Variants in MAPK14 observed in about 807,000 individuals in gnomAD.
The protein encoded by MAPK14 is mitogen-activated protein kinase 14.
In MAPK14, 16 loss-of-function variants were observed where a neutral mutation model predicts 49.6. The observed-to-expected ratio is 0.32, with a 90% CI of 0.22 to 0.49. The LOEUF (loss-of-function observed/expected upper bound fraction) is 0.49. MAPK14 is among the 20% of genes least tolerant of loss of function. The pLI is 0.99. For synonymous variants in MAPK14, 142 were observed against 158.0 expected, an observed-to-expected ratio of 0.90 and a Z score of 0.76; for missense variants, 200 against 441.2, an observed-to-expected ratio of 0.45 and a Z score of 4.90.
At chr6:36,065,812 A>G (rs1764032776) in intron 3 of MAPK14, among the ~76,000 whole-genome samples, 1 of 152,154 alleles carries the variant, frequency 6.6e-6, no homozygotes. Flanking sequence ...TACCAGAGGC[A>G]GTTTTCTCCT....
At chr6:36,084,117 C>G (rs1764879418) in intron 8 of MAPK14, among the ~76,000 whole-genome samples, 1 of 152,142 alleles carries the variant, frequency 6.6e-6, no homozygotes, top group South Asian at 2.1e-4. Flanking sequence ...GAAGAGGGGC[C>G]TGACTGTTAA....
intron 2 of MAPK14, among the ~76,000 whole-genome samples, chr6:36,058,022 T>C (rs139447842): frequency 6.6e-6 from 1 of 152,134 alleles, no homozygotes; most frequent in African/African-American, 2.4e-5. Context: ...GGTTGGAGGG[T>C]GCTGTATGTG....
intron 8 of MAPK14, among the ~76,000 whole-genome samples, chr6:36,085,112 G>A (rs573813813): frequency 6.6e-6 from 1 of 152,254 alleles, no homozygotes; most frequent in African/African-American, 2.4e-5. Flanking sequence ...TTTTAGACAA[G>A]CAAATGCTGA....
chr6:36,122,362 G>C, the MAPK14 span, among the ~76,000 whole-genome samples: 1 of 152,226 alleles, frequency 6.6e-6, no homozygotes, highest in Non-Finnish European at 1.5e-5. Context: ...CGGTTTGTCA[G>C]GTCAGCACAG....
chr6:36,083,376 AG>A (rs1451422072), intron 8 of MAPK14, among the ~76,000 whole-genome samples: 1 of 152,224 alleles, frequency 6.6e-6, no homozygotes, highest in Non-Finnish European at 1.5e-5. Flanking sequence ...ACATGCCACC[AG>A]GGCCTTGGGT....
intron 1 of MAPK14, among the ~76,000 whole-genome samples, chr6:36,045,808 CAAAAAAAAAA>C (rs371920281): frequency 2.2e-5 from 1 of 46,404 alleles, no homozygotes; most frequent in African/African-American, 7.3e-5. Flanking sequence ...GACTCTGTCT[CAAAAAAAAAA>C]AAAAAAAAAA....
intron 8 of MAPK14, among the ~76,000 whole-genome samples, chr6:36,085,774 C>T (rs1210555083): frequency 2.6e-5 from 4 of 152,108 alleles, no homozygotes; most frequent in African/African-American, 4.8e-5. Flanking sequence ...AGAAAATTAA[C>T]AAGGATATTC....
chr6:36,112,431 T>C (rs1390374513), downstream of MAPK14, among the ~76,000 whole-genome samples: 1 of 152,220 alleles, frequency 6.6e-6, no homozygotes, highest in Non-Finnish European at 1.5e-5. Flanking sequence ...AATGGAACTT[T>C]AATCATGAAA....
intron 6 of MAPK14, among the ~76,000 whole-genome samples, chr6:36,074,865 C>T (rs1397268568): frequency 1.3e-5 from 2 of 151,846 alleles, no homozygotes; most frequent in Non-Finnish European, 2.9e-5. Flanking sequence ...CCACCTGCCT[C>T]GGCCTCTCAA....
rs184263615 is a variant in MAPK14, at chr6:36,098,304, A to G, written c.762+2238A>G. ...GTATAAATGGGTTGTGATGGAGGCC[A>G]AGGACAGAGAATTCATTTGGTTAAT... On this transcript the variant is annotated intron_variant, in intron 9 of 11. Transcript: ENST00000229794. 2.8e-3 allele frequency among the ~76,000 whole-genome samples: 419 copies of G among 152,344 alleles called. 3 individuals carry two copies. The highest frequency in any genetic ancestry group is 9.6e-3 in the African/African-American group (399 of 41,570).
chr6:36,073,064 A>G (rs747497545), intron 4 of MAPK14, 80 bp downstream of exon 4: 4 of 887,534 alleles, frequency 4.5e-6, no homozygotes, highest in Non-Finnish European at 5.5e-6. Flanking sequence ...CAAACAAGTA[A>G]ACAACTTTTC....
chr6:36,074,977 A>G (rs896404808), intron 6 of MAPK14, among the ~76,000 whole-genome samples: 1 of 151,754 alleles, frequency 6.6e-6, no homozygotes. Context: ...CTGTAATCCC[A>G]GCACTTTGGG....
At chr6:36,079,508 A>T (rs1016321437) in intron 8 of MAPK14, among the ~76,000 whole-genome samples, 7 of 150,318 alleles carry the variant, frequency 4.7e-5, no homozygotes, top group African/African-American at 1.7e-4. Context: ...AAAAAATTGC[A>T]AAAAAAAAAT....
intron 3 of MAPK14, among the ~76,000 whole-genome samples, chr6:36,064,012 C>G (rs1398585928): frequency 6.6e-6 from 1 of 151,872 alleles, no homozygotes; most frequent in Non-Finnish European, 1.5e-5. Flanking sequence ...AATATTTGAA[C>G]CTAACACCAG....
intron 3 of MAPK14, among the ~76,000 whole-genome samples, chr6:36,067,204 AG>A (rs1385968835): frequency 3.3e-5 from 5 of 152,106 alleles, no homozygotes; most frequent in Admixed American, 3.3e-4. Context: ...CCTTTTTCTC[AG>A]ATTAGCTAGT....
chr6:36,108,288 GAGGA>G (rs1320640376), intron 11 of MAPK14, 88 bp from the exon 12 acceptor site: 3 of 920,944 alleles, frequency 3.3e-6, no homozygotes, highest in Non-Finnish European at 5.4e-6. Flanking sequence ...CCTGGACAGA[GAGGA>G]AGGATCTTGA....
chr6:36,102,568 C>T lies in MAPK14; in HGVS notation c.763-3C>T. The T allele has an allele frequency of 3.1e-6, 5 of 1,608,656 alleles. No individual in the cohort carries two copies. The highest frequency in any genetic ancestry group is 4.2e-6 in the Non-Finnish European group (5 of 1,177,968). ...GTCATTCTGAAAACCCTTGTTTTTT[C>T]AGGCAAGAAACTATATTCAGTCTTT... is the stretch of plus-strand genomic sequence containing the variant. On this transcript the variant is annotated splice_region_variant and splice_polypyrimidine_tract_variant and intron_variant, in intron 9 of 11. Transcript: ENST00000229794.
At chr6:36,067,389 G>T (rs1764102374) in intron 3 of MAPK14, among the ~76,000 whole-genome samples, 1 of 151,938 alleles carries the variant, frequency 6.6e-6, no homozygotes, top group South Asian at 2.1e-4. Flanking sequence ...TCATCTAAAG[G>T]CTGTATCTGT....
chr6:36,041,175 C>G (rs994025953), intron 1 of MAPK14, among the ~76,000 whole-genome samples: 1 of 151,450 alleles, frequency 6.6e-6, no homozygotes, highest in Non-Finnish European at 1.5e-5. Flanking sequence ...GAGGCAGTAA[C>G]TAACTTTAGT....
Sources: allele counts gnomAD v4.1 joint callset (sites outside exome capture counted in the v4.1 genomes callset), GRCh38; gene constraint gnomAD v4.1.1; transcripts MANE v1.5; gene names NCBI Gene and HGNC (gene_info 2026-07-23, HGNC 2026-07-21).